DIAPH3: variants seen among roughly 807,000 people sequenced by gnomAD.
The protein encoded by DIAPH3 is diaphanous related formin 3.
In DIAPH3, 117 loss-of-function variants were observed where a neutral mutation model predicts 144.3. That is an observed-to-expected ratio of 0.81 (90% CI 0.70 to 0.95). The LOEUF (loss-of-function observed/expected upper bound fraction) is 0.95. Among genes scored for constraint, DIAPH3 ranks in the 40% least tolerant of loss-of-function variants. The pLI is 0.00. For missense variants in DIAPH3, 1,421 were observed against 1,412.7 expected (o/e 1.01, Z -0.09); for synonymous variants, 519 against 488.9 (o/e 1.06, Z -0.81).
intron 15 of DIAPH3, among the ~76,000 whole-genome samples, chr13:59,972,895 C>G (rs977277589): frequency 6.6e-6 from 1 of 152,100 alleles, no homozygotes; most frequent in East Asian, 1.9e-4. Flanking sequence ...GATAACAGAA[C>G]ATATTTTATT....
intron 27 of DIAPH3, among the ~76,000 whole-genome samples, chr13:59,674,327 T>C (rs998611334): frequency 6.6e-5 from 10 of 152,220 alleles, no homozygotes; most frequent in Admixed American, 3.3e-4. Flanking sequence ...TTTACCTTGT[T>C]TGACATAAAA....
chr13:59,969,457 C>T (rs2050232870), intron 17 of DIAPH3, among the ~76,000 whole-genome samples: 1 of 152,092 alleles, frequency 6.6e-6, no homozygotes, highest in Non-Finnish European at 1.5e-5. Flanking sequence ...CATAGGTATA[C>T]ACATGCCATG....
chr13:60,159,304 G>C (rs1952175409), intron 1 of DIAPH3, among the ~76,000 whole-genome samples: 1 of 152,138 alleles, frequency 6.6e-6, no homozygotes, highest in Non-Finnish European at 1.5e-5. Flanking sequence ...CAACAGCTAT[G>C]GGAGAGAATT....
chr13:59,879,256 G>A lies in DIAPH3; in HGVS notation c.2580C>T (p.Phe860=), dbSNP rs747721431. ...TACAGAGAGAGCTAAGGTTAAATCC[G>A]AAGGTTTGAGCATTCCGGGAGCCAG... ...MNAGSRNAQT[F]GFNLSSLCKL... Residue 860 remains phenylalanine, a synonymous_variant, in exon 21 of 28, where the codon TTC becomes TTT. Coordinates refer to ENST00000400324, the MANE Select transcript of DIAPH3 (RefSeq NM_001042517.2). The A allele has an allele frequency of 2.5e-6, 4 of 1,613,788 alleles. No individual in the cohort carries two copies. The highest frequency in any genetic ancestry group is 1.1e-5 in the South Asian group (1 of 91,076).
At chr13:59,942,504 C>T (rs2048585677) in intron 17 of DIAPH3, among the ~76,000 whole-genome samples, 7 of 151,976 alleles carry the variant, frequency 4.6e-5, no homozygotes, top group Admixed American at 4.6e-4. Flanking sequence ...AGATTTGTCC[C>T]CCAGGAAAAG....
chr13:59,931,442 C>T (rs1030208364), intron 17 of DIAPH3, among the ~76,000 whole-genome samples: 7 of 152,264 alleles, frequency 4.6e-5, no homozygotes, highest in African/African-American at 1.7e-4. Context: ...AACTCTTCAC[C>T]TGGTGTTCTC....
intron 20 of DIAPH3, among the ~76,000 whole-genome samples, chr13:59,906,967 T>C (rs946289920): frequency 1.3e-5 from 2 of 152,122 alleles, no homozygotes; most frequent in South Asian, 2.1e-4. Context: ...AATGCAGTCA[T>C]AAAACTAAAG....
intron 25 of DIAPH3, among the ~76,000 whole-genome samples, chr13:59,796,676 C>A (rs577721360): frequency 6.6e-6 from 1 of 152,142 alleles, no homozygotes; most frequent in African/African-American, 2.4e-5. Context: ...TTTTACTGAT[C>A]CATATTGTGG....
At chr13:60,049,437 T>C (rs1291088194) in intron 4 of DIAPH3, among the ~76,000 whole-genome samples, 1 of 152,178 alleles carries the variant, frequency 6.6e-6, no homozygotes, top group African/African-American at 2.4e-5. Context: ...CCTCAAGGAT[T>C]CTGCATTCCC....
intron 27 of DIAPH3, among the ~76,000 whole-genome samples, chr13:59,739,969 A>C (rs2036364289): frequency 6.6e-6 from 1 of 152,178 alleles, no homozygotes; most frequent in African/African-American, 2.4e-5. Flanking sequence ...ATTTGGTATG[A>C]TCAATAATCT....
At chr13:60,085,559 C>T (rs1263695311) in intron 4 of DIAPH3, among the ~76,000 whole-genome samples, 2 of 152,090 alleles carry the variant, frequency 1.3e-5, no homozygotes, top group Admixed American at 6.6e-5. Context: ...AAGGCCTGGA[C>T]ATTAAAATAC....
chr13:60,101,656 C>A (rs1349701952), intron 3 of DIAPH3, among the ~76,000 whole-genome samples: 1 of 152,118 alleles, frequency 6.6e-6, no homozygotes, highest in Non-Finnish European at 1.5e-5. Flanking sequence ...TCCTTGGCTT[C>A]CTTGCCAATG....
chr13:59,949,901 C>T (rs1202598335), intron 17 of DIAPH3, among the ~76,000 whole-genome samples: 1 of 152,154 alleles, frequency 6.6e-6, no homozygotes. Context: ...ATTGTCTAAA[C>T]CTCGTGGATC....
At chr13:60,085,311 C>T (rs959292827) in intron 4 of DIAPH3, among the ~76,000 whole-genome samples, 1 of 152,030 alleles carries the variant, frequency 6.6e-6, no homozygotes, top group Non-Finnish European at 1.5e-5. Context: ...CTTGAAGCCA[C>T]CATGACTAGA....
intron 21 of DIAPH3, among the ~76,000 whole-genome samples, chr13:59,873,983 T>G (rs768588623): frequency 1.8e-4 from 27 of 152,214 alleles, no homozygotes; most frequent in Non-Finnish European, 7.3e-5. Context: ...CACCACTCAT[T>G]CTTAAGTGAA....
intron 21 of DIAPH3, among the ~76,000 whole-genome samples, chr13:59,871,147 TATA>T (rs1229558964): frequency 1.4e-5 from 2 of 145,636 alleles, no homozygotes; most frequent in African/African-American, 5.0e-5. Context: ...AAAACTTTGA[TATA>T]ATTGCTTAAC....
At position 60,163,840 on chromosome 13, in the gene DIAPH3, A is replaced by G. The variant is rs1009147253; in HGVS notation, c.-74T>C. 34 of 1,521,974 alleles carry G rather than the reference A, an allele frequency of 2.2e-5. No individual in the cohort carries two copies. In the African/African-American group the frequency reaches 4.5e-4, roughly 20 times the overall value. 94.3% of individuals were successfully genotyped at this position (1,521,974 alleles called of 1,614,324 possible). Reference sequence around the variant, plus strand: ...CCGCAAGCTGGAAGCTGAGGGATCGACAACAGGTTTTACTCCCGGGGTCCG... The same window carrying G: ...CCGCAAGCTGGAAGCTGAGGGATCGGCAACAGGTTTTACTCCCGGGGTCCG... On this transcript the variant is annotated 5_prime_UTR_variant, in exon 1 of 28. Coordinates refer to ENST00000400324, the MANE Select transcript of DIAPH3 (RefSeq NM_001042517.2).
chr13:60,008,591 AT>A lies in DIAPH3; in HGVS notation c.966del (p.Arg322SerfsTer18). ...TSAGEEKKIDRFFCIVEGLRH... is the reference protein window; with the variant it reads ...TSAGEEKKIDXFFCIVEGLRH... ...CGGAGGCCTTCCACAATACAAAAAA[AT>A]CTGTCAATTTTTTTTTCTTCACCAG... is the stretch of plus-strand genomic sequence containing the variant. On this transcript the variant is annotated frameshift_variant, in exon 9 of 28. Transcript: ENST00000400324. LOFTEE classifies it high-confidence loss of function. 1 of 1,613,794 alleles carries A rather than the reference AT, an allele frequency of 6.2e-7. No individual in the cohort carries two copies. Among genetic ancestry groups the A allele is most frequent in the African/African-American group, 1.3e-5 (1 of 75,022 alleles).
At chr13:60,085,730 G>A (rs573074597) in intron 4 of DIAPH3, among the ~76,000 whole-genome samples, 1 of 152,074 alleles carries the variant, frequency 6.6e-6, no homozygotes, top group Non-Finnish European at 1.5e-5. Flanking sequence ...TCCTTCAGAA[G>A]TGTTCCTTCT....
Sources: gnomAD v4.1 joint callset for allele counts (sites outside exome capture counted in the v4.1 genomes callset) on GRCh38, gnomAD v4.1.1 for gene constraint, MANE v1.5 for transcripts, NCBI Gene and HGNC (gene_info 2026-07-23, HGNC 2026-07-21) for gene names.